Variants in KIF17 observed in about 807,000 individuals in gnomAD.
The protein encoded by KIF17 is kinesin family member 17.
Under a neutral mutation model 96.8 loss-of-function variants are expected in KIF17, and 80 were observed. The ratio of observed to expected loss-of-function variants is 0.83; its 90% confidence interval spans 0.69 to 1.00. KIF17 has a LOEUF of 1.00. KIF17 is among the 50% of genes least tolerant of loss of function. KIF17 has a pLI of 0.00. For missense variants in KIF17, 1,280 were observed against 1,372.9 expected, an observed-to-expected ratio of 0.93 and a Z score of 1.07; for synonymous variants, 567 against 587.5, an observed-to-expected ratio of 0.97 and a Z score of 0.51.
chr1:20,704,140 CGGGGGTGTGGTG>C lies in KIF17; in HGVS notation c.1123+295_1123+306del, dbSNP rs905654906. 2.0e-3 allele frequency among the ~76,000 whole-genome samples: 6 copies of C among 3,000 alleles called. No individual in the cohort carries two copies. The highest frequency in any genetic ancestry group is 7.9e-3 in the African/African-American group (5 of 630). The allele number at this position is 3,000 out of a possible 152,430, so 2.0% of individuals were successfully genotyped here. A position where few individuals can be genotyped will look rare whatever the true frequency, so the allele number is the denominator to read the frequency against. The stretch of plus-strand genomic sequence containing the variant: ...CGACAATGCCACAGACAGCAGCAGA[CGGGGGTGTGGTG>C]GGGGGTGTGGTGGGGGTGGGGGGGA... On this transcript the variant is annotated intron_variant, in intron 5 of 14. Transcript: ENST00000400463. The surrounding 1 kb of genome is among the most constrained non-coding windows in gnomAD (Gnocchi z 6.8).
At chr1:20,661,915 C>T (rs2053442415), downstream of KIF17, among the ~76,000 whole-genome samples, 1 of 152,264 alleles carries the variant, frequency 6.6e-6, no homozygotes, top group Non-Finnish European at 1.5e-5. Flanking sequence ...CTCACGGCTC[C>T]AGGGGCCATG....
Position 20,698,225 on chromosome 1 carries a change from A to C in KIF17, c.1233+154T>G, listed in dbSNP as rs371960135. 7.2e-5 allele frequency among the ~76,000 whole-genome samples: 11 copies of C among 152,364 alleles called. 1 individual carries two copies. Among genetic ancestry groups the C allele is most frequent in the African/African-American group, 2.6e-4 (11 of 41,584 alleles). On this transcript the variant is annotated intron_variant, in intron 6 of 14. Transcript: ENST00000400463. ...ACTCTTTGCTGTGTGACCTTGGGCA[A>C]GTCCTGGCATCTCTTTGAGCTTCAG...
rs770183625 is a variant in KIF17, at chr1:20,669,071, TAAC to T, written c.2790+1347_2790+1349del. Among the ~76,000 whole-genome samples, 109 of 151,866 alleles carry T rather than the reference TAAC, an allele frequency of 7.2e-4. 1 individual carries two copies. In the Middle Eastern group the frequency reaches 0.031, roughly 43 times the overall value. On this transcript the variant is annotated intron_variant, in intron 13 of 14. Transcript: ENST00000400463. Reference sequence around the variant, plus strand: ...GCCTAGCCTGAGGATCTGTAAATAATAACAACTTTCATATCATTGTTCATGGAG... The same window carrying T: ...GCCTAGCCTGAGGATCTGTAAATAATAACTTTCATATCATTGTTCATGGAG...
chr1:20,664,647 G>A lies in KIF17; in HGVS notation c.3024C>T (p.Asp1008=). 6.2e-7 allele frequency: 1 copy of A among 1,613,162 alleles called. No homozygotes were observed. The highest frequency in any genetic ancestry group is 8.5e-7 in the Non-Finnish European group (1 of 1,179,814). ...TACGCTTGGCCTTGGTGAAAGGGAT[G>A]TCGAGGGACTCGAGGCGGAAGGGCC... ...QPRPFRLESL[D]IPFTKAKRKK... is the part of the protein sequence containing the mutation. The change falls in exon 15 of 15, where the codon GAC becomes GAT. Residue 1008 remains aspartate, a synonymous_variant. Coordinates refer to ENST00000400463, the MANE Select transcript of KIF17 (RefSeq NM_001122819.3).
intron 14 of KIF17, 56 bp downstream of exon 14, chr1:20,666,158 C>T: frequency 7.7e-7 from 1 of 1,305,660 alleles, no homozygotes; most frequent in Non-Finnish European, 1.1e-6. Context: ...AAAACTATCC[C>T]CTTCACGCCT....
At position 20,704,546 on chromosome 1, in the gene KIF17, T is replaced by G. The variant is rs757201811; in HGVS notation, c.1024A>C (p.Asn342His). The G allele has an allele frequency of 1.5e-5, 25 of 1,614,054 alleles. No individual in the cohort carries two copies. In the East Asian group the frequency reaches 5.6e-4, roughly 36 times the overall value. The change falls in exon 5 of 15, where the codon AAT (asparagine) becomes CAT (histidine). Residue 342 changes from asparagine to histidine, a missense_variant. Coordinates refer to ENST00000400463, the MANE Select transcript of KIF17 (RefSeq NM_001122819.3). This position sits in a 1 kb window ranked among gnomAD's most constrained non-coding sequence, Gnocchi z 6.8. ...AGCAGCGCATCCTTGGGGTCCTCAT[T>G]GATGCGCGGCTTGTTCCTGATGTTC... is the stretch of plus-strand genomic sequence containing the variant. Reference protein sequence around the residue: ...AKNIRNKPRINEDPKDALLRE... With the variant: ...AKNIRNKPRIHEDPKDALLRE...
At chr1:20,693,318 C>T (rs1309514881) in intron 6 of KIF17, 1 of 150,296 alleles carries the variant, frequency 6.7e-6, no homozygotes, top group African/African-American at 2.5e-5. Context: ...AGTCTCAGCT[C>T]ATTGCCACCT....
rs55647415 is a variant in KIF17 at position 20,704,377 on chromosome 1, A to G, written c.1123+70T>C. 45,450 of 1,298,320 alleles carry G rather than the reference A, an allele frequency of 0.035. 968 individuals carry two copies. The highest frequency in any genetic ancestry group is 0.042 in the Middle Eastern group (226 of 5,356). The allele number at this position is 1,298,320 out of a possible 1,614,324, so 80.4% of individuals were successfully genotyped here. ...TCTTTTAGGTGGGAAGTTGGAGGCG[A>G]GAAGACAGAGGGAAGGAAGCTTTCT... On this transcript the variant is annotated intron_variant, in intron 5 of 14. Coordinates refer to ENST00000400463, the MANE Select transcript of KIF17 (RefSeq NM_001122819.3). The surrounding 1 kb of genome is among the most constrained non-coding windows in gnomAD (Gnocchi z 6.8).
chr1:20,686,704 C>T (rs189914743), intron 8 of KIF17, among the ~76,000 whole-genome samples: 22 of 152,192 alleles, frequency 1.4e-4, no homozygotes, highest in Non-Finnish European at 2.5e-4. Flanking sequence ...TACAGGTGCA[C>T]GCCACCACAC....
chr1:20,717,867 CCCG>C lies in KIF17; in HGVS notation c.-164_-162del. 1 of 380,888 alleles carries C rather than the reference CCCG, an allele frequency of 2.6e-6. No homozygotes were observed. Among genetic ancestry groups the C allele is most frequent in the Non-Finnish European group, 3.2e-6 (1 of 315,966 alleles). The allele number at this position is 380,888 out of a possible 1,614,324, so 23.6% of individuals were successfully genotyped here. A position where few individuals can be genotyped will look rare whatever the true frequency, so the allele number is the denominator to read the frequency against. On this transcript the variant is annotated 5_prime_UTR_variant, in exon 1 of 15. Coordinates refer to ENST00000400463, the MANE Select transcript of KIF17 (RefSeq NM_001122819.3). ...GGGGCGGGGACCCCTCGGGGGGCGCCCCGGAGGGGAGCTGGGCGTCGCAGGACC... is the reference window on the plus strand; with the variant it reads ...GGGGCGGGGACCCCTCGGGGGGCGCCGAGGGGAGCTGGGCGTCGCAGGACC...
intron 11 of KIF17, among the ~76,000 whole-genome samples, chr1:20,681,001 C>T (rs1192416354): frequency 6.6e-6 from 1 of 150,914 alleles, no homozygotes; most frequent in Non-Finnish European, 1.5e-5. Flanking sequence ...TGGCGGGCGC[C>T]TGTAGTCCCA....
At chr1:20,694,198 A>G (rs1311600148) in intron 6 of KIF17, among the ~76,000 whole-genome samples, 2 of 151,856 alleles carry the variant, frequency 1.3e-5, no homozygotes, top group Non-Finnish European at 2.9e-5. Flanking sequence ...CCCAGGTTCA[A>G]GCGATTCTCC....
At chr1:20,670,575 G>T in intron 12 of KIF17, 87 bp from the exon 13 acceptor site, 3 of 1,297,942 alleles carry the variant, frequency 2.3e-6, no homozygotes, top group Non-Finnish European at 3.3e-6. Flanking sequence ...GTCAGGCCTG[G>T]CTCAGGCTTA....
intron 6 of KIF17, among the ~76,000 whole-genome samples, chr1:20,697,190 C>T (rs1223752654): frequency 2.0e-5 from 3 of 152,310 alleles, no homozygotes; most frequent in East Asian, 1.9e-4. Flanking sequence ...GGCCTGAGGA[C>T]GGACCCCAGT....
chr1:20,717,847 G>GGGGACCC lies in KIF17; in HGVS notation c.-148_-142dup. On this transcript the variant is annotated 5_prime_UTR_variant, in exon 1 of 15. Transcript: ENST00000400463. ...CAGGGGCGGGGCCGCGGCGGGGGGCGGGGACCCCTCGGGGGGCGCCCCGGA... is the reference window on the plus strand; with the variant it reads ...CAGGGGCGGGGCCGCGGCGGGGGGCGGGGACCCGGGACCCCTCGGGGGGCGCCCCGGA... 1.4e-6 allele frequency: 1 copy of GGGGACCC among 701,486 alleles called. No homozygotes were observed. The highest frequency in any genetic ancestry group is 1.8e-6 in the Non-Finnish European group (1 of 571,008). The allele number at this position is 701,486 out of a possible 1,614,324, so 43.5% of individuals were successfully genotyped here. A position where few individuals can be genotyped will look rare whatever the true frequency, so the allele number is the denominator to read the frequency against.
chr1:20,699,086 A>G lies in KIF17; in HGVS notation c.1124-598T>C, dbSNP rs2054190472. Among the ~76,000 whole-genome samples the G allele has an allele frequency of 6.6e-6, 1 of 152,088 alleles. No individual in the cohort carries two copies. Among genetic ancestry groups the G allele is most frequent in the African/African-American group, 2.4e-5 (1 of 41,414 alleles). On this transcript the variant is annotated intron_variant, in intron 5 of 14. Coordinates refer to ENST00000400463, the MANE Select transcript of KIF17 (RefSeq NM_001122819.3). The surrounding 1 kb of genome is among the most constrained non-coding windows in gnomAD (Gnocchi z 4.3). ...CACCTGAGCCTCCTGAGTAGCTGGG[A>G]CTACAGACACACACCACCACACCCA...
rs1570467771 is a variant in KIF17, at chr1:20,700,077, G to A, written c.1124-1589C>T. Among the ~76,000 whole-genome samples, 1 of 152,158 alleles carries A rather than the reference G, an allele frequency of 6.6e-6. No homozygotes were observed. The highest frequency in any genetic ancestry group is 6.5e-5 in the Admixed American group (1 of 15,272). ...CTGTAGCCAGTTTTTGTTTTGTTTTGTTTTGTTTTTTGAGACGGGGTCTTT... is the reference window on the plus strand; with the variant it reads ...CTGTAGCCAGTTTTTGTTTTGTTTTATTTTGTTTTTTGAGACGGGGTCTTT... On this transcript the variant is annotated intron_variant, in intron 5 of 14. Transcript: ENST00000400463. This position sits in a 1 kb window ranked among gnomAD's most constrained non-coding sequence, Gnocchi z 4.6.
chr1:20,690,311 G>T lies in KIF17; in HGVS notation c.1258C>A (p.Leu420Met). 1 of 1,600,586 alleles carries T rather than the reference G, an allele frequency of 6.2e-7. No individual in the cohort carries two copies. The highest frequency in any genetic ancestry group is 8.5e-7 in the Non-Finnish European group (1 of 1,176,258). ...REEYEERLAR[L>M]KADYKAEQES... The stretch of plus-strand genomic sequence containing the variant: ...TGCTCGGCCTTATAGTCGGCTTTCA[G>T]CCGGGCCAGGCGCTCTTCATACTCC... The change falls in exon 7 of 15, where the codon CTG (leucine) becomes ATG (methionine). Residue 420 changes from leucine to methionine, a missense_variant. Physicochemically the swap from Leu to Met is conservative, Grantham distance 15 (BLOSUM62 2). Coordinates refer to ENST00000400463, the MANE Select transcript of KIF17 (RefSeq NM_001122819.3).
chr1:20,688,603 TG>T (rs369616433), intron 7 of KIF17, among the ~76,000 whole-genome samples: 23 of 152,356 alleles, frequency 1.5e-4, no homozygotes, highest in African/African-American at 5.3e-4. Context: ...GCAGGCTTCC[TG>T]GGGCCTTGTT....
Sources: allele counts gnomAD v4.1 joint callset (sites outside exome capture counted in the v4.1 genomes callset), GRCh38; gene constraint gnomAD v4.1.1; non-coding constraint Gnocchi (gnomAD v3.1); transcripts MANE v1.5; gene names NCBI Gene and HGNC (gene_info 2026-07-23, HGNC 2026-07-21).